Variants in PDE1C observed in about 807,000 individuals in gnomAD.
PDE1C encodes the protein phosphodiesterase 1C.
Under a neutral mutation model 93.1 loss-of-function variants are expected in PDE1C, and 62 were observed. The observed-to-expected ratio is 0.67, with a 90% CI of 0.54 to 0.82. PDE1C has a LOEUF of 0.82. Ranked by LOEUF, PDE1C falls within the 40% of genes least tolerant of loss-of-function variation. The probability of loss-of-function intolerance (pLI) is 0.00; values close to 1 mark genes in which losing one functional copy is unlikely to be tolerated. For missense variants in PDE1C, 742 were observed against 884.6 expected (o/e 0.84, Z 2.04); for synonymous variants, 325 against 310.1 (o/e 1.05, Z -0.50).
chr7:32,209,399 G>T, intron 2 of PDE1C: 1 of 1,036,148 alleles, frequency 9.7e-7, no homozygotes, highest in Non-Finnish European at 1.4e-6. Context: ...ACACCTGACA[G>T]AATTGAAGAG....
At chr7:32,370,810 AAAT>A (rs935737695) in intron 1 of PDE1C, among the ~76,000 whole-genome samples, 10 of 151,894 alleles carry the variant, frequency 6.6e-5, no homozygotes, top group African/African-American at 2.4e-4. Flanking sequence ...ATAAATAAAT[AAAT>A]AAGAATATCT....
chr7:32,084,762 C>T (rs4439022), intron 3 of PDE1C, among the ~76,000 whole-genome samples: 1,568 of 103,232 alleles, frequency 0.015, 3 homozygotes, highest in Middle Eastern at 0.043. Context: ...ACTGGGTACA[C>T]AATGAAATGA....
chr7:31,699,316 G>A, the PDE1C span, among the ~76,000 whole-genome samples: 1 of 152,152 alleles, frequency 6.6e-6, no homozygotes, highest in South Asian at 2.1e-4. Flanking sequence ...GGGACATGAA[G>A]GGTAATGCTG....
intron 1 of PDE1C, among the ~76,000 whole-genome samples, chr7:32,230,876 T>C (rs1318404659): frequency 1.3e-5 from 2 of 151,994 alleles, no homozygotes; most frequent in Non-Finnish European, 2.9e-5. Context: ...AGGGTCTAAT[T>C]AGTCACCAAC....
chr7:32,316,655 C>T (rs1783179040), intron 1 of PDE1C, among the ~76,000 whole-genome samples: 1 of 152,096 alleles, frequency 6.6e-6, no homozygotes, highest in South Asian at 2.1e-4. Context: ...CTCAGAATTA[C>T]AAGCAAGTTT....
At chr7:31,743,528 C>G in the PDE1C span, among the ~76,000 whole-genome samples, 1 of 151,790 alleles carries the variant, frequency 6.6e-6, no homozygotes, top group Admixed American at 6.6e-5. Flanking sequence ...AAAACCACAT[C>G]AGCATTGAGA....
intron 16 of PDE1C, among the ~76,000 whole-genome samples, chr7:31,794,511 G>T (rs1405388996): frequency 6.6e-6 from 1 of 151,908 alleles, no homozygotes; most frequent in Non-Finnish European, 1.5e-5. Context: ...GTGAACAACT[G>T]TCTCTGTTCT....
At chr7:31,995,932 C>A (rs935040839) in intron 2 of PDE1C, among the ~76,000 whole-genome samples, 2 of 152,090 alleles carry the variant, frequency 1.3e-5, no homozygotes, top group Non-Finnish European at 2.9e-5. Flanking sequence ...TAGAACGACC[C>A]TTGGCAATGG....
intron 1 of PDE1C, among the ~76,000 whole-genome samples, chr7:32,267,111 G>A (rs938575106): frequency 3.3e-5 from 5 of 152,184 alleles, no homozygotes; most frequent in Admixed American, 6.5e-5. Flanking sequence ...GCGGGGCCTC[G>A]ACCCAAAGCC....
chr7:31,654,035 TTGGA>T, the PDE1C span, among the ~76,000 whole-genome samples: 30 of 128,028 alleles, frequency 2.3e-4, no homozygotes, highest in African/African-American at 8.3e-4. Flanking sequence ...TCAGAAAGAG[TTGGA>T]TGAAGAGTAA....
At chr7:32,223,698 C>T (rs540420757) in intron 1 of PDE1C, among the ~76,000 whole-genome samples, 272 of 152,314 alleles carry the variant, frequency 1.8e-3, no homozygotes, top group African/African-American at 6.2e-3. Context: ...CCCCAGCAGC[C>T]TCATTCTCTG....
intron 1 of PDE1C, among the ~76,000 whole-genome samples, chr7:32,310,341 A>G (rs572023792): frequency 2.0e-5 from 3 of 152,276 alleles, no homozygotes; most frequent in Admixed American, 1.3e-4. Flanking sequence ...AGACCGATCA[A>G]TGAGACAGAA....
intron 2 of PDE1C, among the ~76,000 whole-genome samples, chr7:31,940,111 T>C (rs1288584512): frequency 6.6e-6 from 1 of 152,148 alleles, no homozygotes; most frequent in African/African-American, 2.4e-5. Flanking sequence ...ACTGATTCAT[T>C]TTATTTAGGT....
At chr7:32,278,638 C>T (rs1312907567) in intron 1 of PDE1C, among the ~76,000 whole-genome samples, 1 of 152,202 alleles carries the variant, frequency 6.6e-6, no homozygotes, top group East Asian at 1.9e-4. Flanking sequence ...AGGCTTCAGA[C>T]TTCTCCAGTG....
the PDE1C span, chr7:31,707,344 G>A: frequency 1.0e-5 from 14 of 1,386,348 alleles, no homozygotes; most frequent in Admixed American, 4.0e-5. Context: ...GTGACCTAGA[G>A]AAAAAATAGA....
chr7:32,144,680 C>T (rs994144115), intron 3 of PDE1C, among the ~76,000 whole-genome samples: 4 of 152,138 alleles, frequency 2.6e-5, no homozygotes, highest in African/African-American at 9.7e-5. Flanking sequence ...CATAGAAGTA[C>T]GGAAGGCAGG....
chr7:31,755,813 G>A (rs1361594257), intron 17 of PDE1C, among the ~76,000 whole-genome samples: 1 of 152,116 alleles, frequency 6.6e-6, no homozygotes, highest in Non-Finnish European at 1.5e-5. Flanking sequence ...CTCCCTTAAG[G>A]AGAAGGAGCC....
chr7:32,394,250 A>G (rs1784802533), intron 1 of PDE1C, among the ~76,000 whole-genome samples: 1 of 152,364 alleles, frequency 6.6e-6, no homozygotes, highest in East Asian at 1.9e-4. Flanking sequence ...GAAATAGGGA[A>G]AACAGTCAAA....
chr7:32,408,688 C>T (rs1785107014), intron 1 of PDE1C, among the ~76,000 whole-genome samples: 3 of 152,074 alleles, frequency 2.0e-5, no homozygotes, highest in Non-Finnish European at 4.4e-5. Context: ...ACTTGGGAGG[C>T]TGAGGCAGGA....
Sources: gnomAD v4.1 joint callset for allele counts (sites outside exome capture counted in the v4.1 genomes callset) on GRCh38, gnomAD v4.1.1 for gene constraint, MANE v1.5 for transcripts, NCBI Gene and HGNC (gene_info 2026-07-23, HGNC 2026-07-21) for gene names.